Variants in GLG1 observed in about 807,000 individuals in gnomAD.
GLG1 encodes golgi glycoprotein 1.
Under a neutral mutation model 160.5 loss-of-function variants are expected in GLG1, and 38 were observed. The observed-to-expected ratio is 0.24, with a 90% CI of 0.18 to 0.31. GLG1 has a LOEUF of 0.31. Ranked by LOEUF, GLG1 falls within the 10% of genes least tolerant of loss-of-function variation. The pLI, the probability that GLG1 is intolerant of heterozygous loss-of-function variation, is 1.00. For missense variants in GLG1, 1,373 were observed against 1,505.2 expected (o/e 0.91, Z 1.45); for synonymous variants, 644 against 543.4 (o/e 1.19, Z -2.57).
At chr16:74,540,966 T>C (rs1343974913) in intron 1 of GLG1, among the ~76,000 whole-genome samples, 4 of 152,050 alleles carry the variant, frequency 2.6e-5, no homozygotes, top group Non-Finnish European at 5.9e-5. Context: ...AGGAAATACA[T>C]CAAAAAGGTC....
At chr16:74,606,523 C>A (rs1383428279) in intron 1 of GLG1, 134 bp downstream of exon 1, 2 of 686,362 alleles carry the variant, frequency 2.9e-6, no homozygotes, top group Admixed American at 5.8e-5. Context: ...GAGTGAGGAG[C>A]AAAGAGGGAA....
intron 1 of GLG1, among the ~76,000 whole-genome samples, chr16:74,553,764 T>C (rs957408533): frequency 1.5e-4 from 23 of 152,120 alleles, no homozygotes; most frequent in Non-Finnish European, 3.1e-4. Flanking sequence ...TGAGCCACCG[T>C]GCCAGGCCAT....
At chr16:74,588,923 T>G (rs1173287571) in intron 1 of GLG1, among the ~76,000 whole-genome samples, 1 of 151,576 alleles carries the variant, frequency 6.6e-6, no homozygotes, top group Non-Finnish European at 1.5e-5. Flanking sequence ...TAGACCAATA[T>G]CCTTTTTTTT....
chr16:74,563,159 T>C (rs780593557), intron 1 of GLG1: 82 of 152,232 alleles, frequency 5.4e-4, no homozygotes, highest in Admixed American at 2.2e-3. Flanking sequence ...AGGGGTCTTA[T>C]GGTGCACCAA....
chr16:74,546,297 G>A (rs1267010279), intron 1 of GLG1, among the ~76,000 whole-genome samples: 1 of 152,138 alleles, frequency 6.6e-6, no homozygotes, highest in East Asian at 1.9e-4. Context: ...AAGTTAGCCA[G>A]GTGTGGTGGC....
chr16:74,543,569 A>G (rs1216196793), intron 1 of GLG1, among the ~76,000 whole-genome samples: 4 of 152,162 alleles, frequency 2.6e-5, no homozygotes, highest in Non-Finnish European at 4.4e-5. Flanking sequence ...AAGTCCCTAC[A>G]TTTCTTCTTG....
intron 19 of GLG1, chr16:74,463,747 G>T (rs1461911363): frequency 2.4e-6 from 1 of 424,612 alleles, no homozygotes; most frequent in Non-Finnish European, 4.3e-6. Context: ...TGTTGTTGTT[G>T]TTGTTTTAGC....
chr16:74,496,898 T>C (rs1377126028), intron 4 of GLG1, among the ~76,000 whole-genome samples: 1 of 152,160 alleles, frequency 6.6e-6, no homozygotes, highest in East Asian at 1.9e-4. Flanking sequence ...GAAACAGAGA[T>C]CCTGGAAAGT....
Position 74,606,881 on chromosome 16 carries a change from G to C in GLG1, c.214C>G (p.Leu72Val). The part of the protein sequence containing the change: ...QLPQLPQSSQ[L>V]QQQQQQQQQQ... ...TGCTGCTGCTGCTGTTGCTGCTGAA[G>C]CTGCGATGACTGAGGCAGCTGGGGC... Residue 72 changes from leucine to valine, a missense_variant, in exon 1 of 26, where the codon CTT becomes GTT. This residue lies in a region of GLG1 where 322 missense variants were observed against 254.6 expected (regional missense o/e 1.26). Coordinates refer to ENST00000422840, the MANE Select transcript of GLG1 (RefSeq NM_001145667.2). 1 of 1,602,454 alleles carries C rather than the reference G, an allele frequency of 6.2e-7. No individual in the cohort carries two copies. Among genetic ancestry groups the C allele is most frequent in the Non-Finnish European group, 8.5e-7 (1 of 1,175,906 alleles).
At chr16:74,496,374 A>C in intron 5 of GLG1, 67 bp downstream of exon 5, 2 of 1,091,558 alleles carry the variant, frequency 1.8e-6, no homozygotes, top group South Asian at 2.8e-5. Context: ...CAATTAAATT[A>C]ATTAAAACAA....
intron 1 of GLG1, among the ~76,000 whole-genome samples, chr16:74,593,844 C>T (rs982542393): frequency 6.6e-6 from 1 of 152,148 alleles, no homozygotes; most frequent in Admixed American, 6.6e-5. Context: ...TTTTACTCAT[C>T]TACCATTTCA....
At chr16:74,567,554 C>CTTT (rs869140658) in intron 1 of GLG1, among the ~76,000 whole-genome samples, 1,215 of 65,846 alleles carry the variant, frequency 0.018, no homozygotes, top group East Asian at 0.025. Context: ...GGTGCACTTT[C>CTTT]TTTTTTTTTT....
chr16:74,598,149 C>G (rs1194462049), intron 1 of GLG1, among the ~76,000 whole-genome samples: 2 of 152,170 alleles, frequency 1.3e-5, no homozygotes, highest in Non-Finnish European at 2.9e-5. Flanking sequence ...TCAGTAAATG[C>G]TAACCATTAT....
chr16:74,535,040 A>C (rs2017649444), intron 1 of GLG1, among the ~76,000 whole-genome samples: 1 of 152,196 alleles, frequency 6.6e-6, no homozygotes, highest in South Asian at 2.1e-4. Flanking sequence ...ACATGGTAGT[A>C]CAAAGAAAAG....
At chr16:74,491,896 G>A (rs1166303124) in intron 7 of GLG1, among the ~76,000 whole-genome samples, 2 of 150,270 alleles carry the variant, frequency 1.3e-5, no homozygotes, top group African/African-American at 4.9e-5. Context: ...CAAAGTGCTG[G>A]GATTACAAGC....
intron 1 of GLG1, among the ~76,000 whole-genome samples, chr16:74,562,947 A>AGG (rs1399758826): frequency 1.3e-5 from 2 of 152,206 alleles, no homozygotes; most frequent in Non-Finnish European, 2.9e-5. Flanking sequence ...ACAATGCAGG[A>AGG]GGGCCCCTCC....
intron 2 of GLG1, among the ~76,000 whole-genome samples, chr16:74,513,398 A>G (rs984460933): frequency 6.6e-6 from 1 of 152,226 alleles, no homozygotes; most frequent in Admixed American, 6.5e-5. Context: ...GGGCCAACAG[A>G]TATCTCATAC....
At chr16:74,459,476 GA>G (rs776724157) in intron 23 of GLG1, among the ~76,000 whole-genome samples, 1 of 152,008 alleles carries the variant, frequency 6.6e-6, no homozygotes, top group East Asian at 1.9e-4. Context: ...CCGTCTCAAA[GA>G]AAAGAAAAGA....
intron 6 of GLG1, among the ~76,000 whole-genome samples, chr16:74,493,549 T>C (rs2016078164): frequency 6.6e-6 from 1 of 152,218 alleles, no homozygotes; most frequent in South Asian, 2.1e-4. Context: ...TAAAATACAA[T>C]TATTCAATTA....
Sources: allele counts gnomAD v4.1 joint callset (sites outside exome capture counted in the v4.1 genomes callset), GRCh38; gene constraint gnomAD v4.1.1; regional missense constraint gnomAD v4.1.1; transcripts MANE v1.5; gene names NCBI Gene and HGNC (gene_info 2026-07-23, HGNC 2026-07-21).